Variants in SNX4 observed in about 807,000 individuals in gnomAD.
SNX4 encodes sorting nexin 4.
In SNX4, 49 loss-of-function variants were observed where a neutral mutation model predicts 70.8. That is an observed-to-expected ratio of 0.69 (90% confidence interval 0.55 to 0.88). The LOEUF (loss-of-function observed/expected upper bound fraction) is 0.88, where lower values mean the gene tolerates loss of function less well. Ranked by LOEUF, SNX4 falls within the 40% of genes least tolerant of loss-of-function variation. SNX4 has a pLI of 0.00. For synonymous variants in SNX4, 206 were observed against 183.8 expected (o/e 1.12, Z -0.98); for missense variants, 528 against 544.8 (o/e 0.97, Z 0.31).
chr3:125,495,566 A>T (rs1580001105), intron 5 of SNX4, among the ~76,000 whole-genome samples: 2 of 148,698 alleles, frequency 1.3e-5, no homozygotes, highest in East Asian at 3.9e-4. Flanking sequence ...TACAATACAT[A>T]AGGCTCCCCC....
intron 8 of SNX4, among the ~76,000 whole-genome samples, chr3:125,471,414 T>C (rs1430232908): frequency 1.5e-5 from 2 of 131,358 alleles, no homozygotes; most frequent in Admixed American, 8.0e-5. Flanking sequence ...AAATTAAAAA[T>C]TATAGAATTA....
chr3:125,457,495 T>TA (rs1933753068), intron 10 of SNX4, 130 bp from the exon 11 acceptor site: 2 of 666,582 alleles, frequency 3.0e-6, no homozygotes, highest in Non-Finnish European at 5.3e-6. Flanking sequence ...TTTTCAAGTT[T>TA]AAAATGTAGT....
intron 8 of SNX4, among the ~76,000 whole-genome samples, chr3:125,471,999 CA>C (rs1934185609): frequency 6.6e-6 from 1 of 152,156 alleles, no homozygotes; most frequent in African/African-American, 2.4e-5. Flanking sequence ...GCACCATGAA[CA>C]TACTACAAAA....
At chr3:125,518,272 AAC>A (rs1935322462) in intron 1 of SNX4, among the ~76,000 whole-genome samples, 1 of 151,882 alleles carries the variant, frequency 6.6e-6, no homozygotes, top group Non-Finnish European at 1.5e-5. Flanking sequence ...AAGTCTGGGC[AAC>A]ACAGAGATAC....
intron 5 of SNX4, among the ~76,000 whole-genome samples, chr3:125,490,935 C>T (rs556182447): frequency 3.3e-5 from 5 of 152,134 alleles, no homozygotes; most frequent in African/African-American, 9.6e-5. Flanking sequence ...TTACAACTTC[C>T]GAACCATAAT....
chr3:125,453,813 C>G lies in SNX4; in HGVS notation c.1187G>C (p.Gly396Ala). ...TTAAACATCGCAGCATCTTTACCTG[C>G]CTTCCAGATTTTTAGACTTTAGCTG... ...EQQLKSKNLE[G>A]REFVKNAWAD... Residue 396 changes from glycine to alanine, a missense_variant, in exon 12 of 14, where the codon GGC becomes GCC. By Grantham distance (60) the Gly-to-Ala change is moderately conservative. Around this residue, in one of 3 missense-constraint regions of SNX4, gnomAD observed 159 missense variants for 172.6 expected, o/e 0.92. Transcript: ENST00000251775. The G allele has an allele frequency of 6.2e-7, 1 of 1,613,830 alleles. No homozygotes were observed. Among genetic ancestry groups the G allele is most frequent in the Non-Finnish European group, 8.5e-7 (1 of 1,179,888 alleles).
chr3:125,504,619 C>T lies in SNX4; in HGVS notation c.263+4G>A. Reference sequence around the variant, plus strand: ...CCTGCCCAGGTGTAATTTCTGTTACCCACCTTGTTTCAATGAGGTAAGCAG... The same window carrying T: ...CCTGCCCAGGTGTAATTTCTGTTACTCACCTTGTTTCAATGAGGTAAGCAG... On this transcript the variant is annotated splice_donor_region_variant and intron_variant, in intron 2 of 13. Transcript: ENST00000251775. The T allele has an allele frequency of 6.2e-7, 1 of 1,607,100 alleles. No homozygotes were observed. The highest frequency in any genetic ancestry group is 2.2e-5 in the East Asian group (1 of 44,614).
chr3:125,455,088 C>A (rs145352888), intron 11 of SNX4, among the ~76,000 whole-genome samples: 1 of 152,076 alleles, frequency 6.6e-6, no homozygotes, highest in Non-Finnish European at 1.5e-5. Flanking sequence ...GCCACCACAC[C>A]CAGCTAATTT....
chr3:125,493,726 A>T (rs1173053703), intron 5 of SNX4, among the ~76,000 whole-genome samples: 2 of 151,672 alleles, frequency 1.3e-5, no homozygotes, highest in African/African-American at 2.4e-5. Context: ...AATCACTCTC[A>T]AAAATCTTAC....
chr3:125,453,699 A>T, intron 12 of SNX4, 111 bp downstream of exon 12: 1 of 1,027,278 alleles, frequency 9.7e-7, no homozygotes, highest in Non-Finnish European at 1.4e-6. Context: ...GGCTGTATTC[A>T]GGGATGCCAA....
At chr3:125,514,583 G>C (rs1408365265) in intron 1 of SNX4, among the ~76,000 whole-genome samples, 1 of 152,092 alleles carries the variant, frequency 6.6e-6, no homozygotes, top group East Asian at 1.9e-4. Context: ...GTACAGCTGG[G>C]CTTTCACAAT....
At chr3:125,471,612 A>C (rs995145392) in intron 8 of SNX4, among the ~76,000 whole-genome samples, 3 of 152,192 alleles carry the variant, frequency 2.0e-5, no homozygotes, top group African/African-American at 7.2e-5. Flanking sequence ...CCTATGAATT[A>C]AGATGAATAT....
chr3:125,494,097 A>G (rs1934728571), intron 5 of SNX4, among the ~76,000 whole-genome samples: 1 of 151,986 alleles, frequency 6.6e-6, no homozygotes, highest in Non-Finnish European at 1.5e-5. Context: ...AATATGTCTG[A>G]GAAAAGGAAA....
intron 1 of SNX4, among the ~76,000 whole-genome samples, chr3:125,506,817 TAAAAAAAAAAAAAAAAAAAAAAAAAA>T (rs71148182): frequency 3.7e-5 from 1 of 26,820 alleles, no homozygotes; most frequent in Non-Finnish European, 7.8e-5. Flanking sequence ...GTGGAGAAAG[TAAAAAAAAAAAAAAAAAAAAAAAAAA>T]AAAAAAAAAA....
At chr3:125,466,744 A>T (rs1351683949) in intron 9 of SNX4, among the ~76,000 whole-genome samples, 1 of 152,076 alleles carries the variant, frequency 6.6e-6, no homozygotes, top group African/African-American at 2.4e-5. Context: ...GTAAGCTGAT[A>T]GCACCACTGT....
At chr3:125,466,885 C>A (rs941630943) in intron 9 of SNX4, among the ~76,000 whole-genome samples, 2 of 151,740 alleles carry the variant, frequency 1.3e-5, no homozygotes, top group African/African-American at 4.8e-5. Context: ...GAGTTTGAGA[C>A]CAGCCTGGCC....
chr3:125,518,789 A>C (rs533839473), intron 1 of SNX4, among the ~76,000 whole-genome samples: 10 of 152,056 alleles, frequency 6.6e-5, no homozygotes, highest in African/African-American at 2.4e-4. Context: ...GATCACTAGA[A>C]GTCAGAAGTT....
intron 6 of SNX4, among the ~76,000 whole-genome samples, chr3:125,486,408 A>C (rs1382302494): frequency 1.3e-5 from 2 of 152,148 alleles, no homozygotes; most frequent in Non-Finnish European, 2.9e-5. Flanking sequence ...CATTAGATGA[A>C]ACTTCTACTA....
Position 125,497,337 on chromosome 3 carries a change from T to C in SNX4, c.597+4A>G. 6.2e-7 allele frequency: 1 copy of C among 1,600,404 alleles called. No individual in the cohort carries two copies. The highest frequency in any genetic ancestry group is 1.1e-5 in the South Asian group (1 of 90,426). ...CATGGCAAATTTCATATAAATATTC[T>C]TACCTTCAGCTGAAACCCAGTTTCA... is the stretch of plus-strand genomic sequence containing the variant. On this transcript the variant is annotated splice_donor_region_variant and intron_variant, in intron 5 of 13. Transcript: ENST00000251775.
Sources: gnomAD v4.1 joint callset for allele counts (sites outside exome capture counted in the v4.1 genomes callset) on GRCh38, gnomAD v4.1.1 for gene constraint, gnomAD v4.1.1 regional missense constraint, MANE v1.5 for transcripts, NCBI Gene and HGNC (gene_info 2026-07-23, HGNC 2026-07-21) for gene names.